Variants in LIMCH1 observed in about 807,000 individuals in gnomAD.
LIMCH1 encodes LIM and calponin homology domains-containing protein 1.
Under a neutral mutation model 176.5 loss-of-function variants are expected in LIMCH1, and 113 were observed. The observed-to-expected ratio is 0.64, with a 90% CI of 0.55 to 0.75. The LOEUF is 0.75. Among genes scored for constraint, LIMCH1 ranks in the 30% least tolerant of loss-of-function variants. The pLI is 0.00. For missense variants in LIMCH1, 1,674 were observed against 1,814.9 expected, an observed-to-expected ratio of 0.92 and a Z score of 1.41; for synonymous variants, 619 against 645.9, an observed-to-expected ratio of 0.96 and a Z score of 0.63.
At chr4:41,679,924 G>A (rs1714268806) in intron 23 of LIMCH1, 82 bp from the exon 24 acceptor site, 1 of 810,336 alleles carries the variant, frequency 1.2e-6, no homozygotes, top group South Asian at 1.6e-5. Context: ...GCAACATATT[G>A]TACATGGTGG....
In LIMCH1 at chr4:41,460,458, C is replaced by CAATATATATATATATATATATATA. The variant is rs1554057132; in HGVS notation, c.97-34078_97-34077insAATATATATATATATATATATATA. 3.6e-5 allele frequency among the ~76,000 whole-genome samples: 4 copies of CAATATATATATATATATATATATA among 110,546 alleles called. 1 individual carries two copies. The South Asian group carries it at 1.5e-3, about 41-fold the overall frequency. The allele number at this position is 110,546 out of a possible 152,430, so 72.5% of individuals were successfully genotyped here. ...AAATTTGTTCCACTATAGTAATCAT[C>CAATATATATATATATATATATATA]TATATATATATATATATATATCTTA... is the stretch of plus-strand genomic sequence containing the variant. On this transcript the variant is annotated intron_variant, in intron 1 of 26. Coordinates refer to the LIMCH1 transcript ENST00000313860.
intron 4 of LIMCH1, among the ~76,000 whole-genome samples, chr4:41,608,543 G>C (rs1013080125): frequency 3.9e-5 from 6 of 152,052 alleles, no homozygotes; most frequent in Admixed American, 3.9e-4. Context: ...TTTTCTAGTG[G>C]GTGAAATGTG....
At chr4:41,647,888 G>A (rs962458208) in intron 17 of LIMCH1, among the ~76,000 whole-genome samples, 1 of 152,240 alleles carries the variant, frequency 6.6e-6, no homozygotes, top group Non-Finnish European at 1.5e-5. Context: ...ACATTGAGCT[G>A]TTTGTCCCCT....
chr4:41,505,925 G>GACACACACACACACAC (rs36212568), intron 2 of LIMCH1, among the ~76,000 whole-genome samples: 2,303 of 134,612 alleles, frequency 0.017, 60 homozygotes, highest in African/African-American at 0.045. Context: ...CTGTGTTTCT[G>GACACACACACACACAC]ACACACACAC....
intron 2 of LIMCH1, among the ~76,000 whole-genome samples, chr4:41,521,334 G>A (rs549248093): frequency 1.3e-5 from 2 of 152,162 alleles, no homozygotes; most frequent in East Asian, 3.9e-4. Context: ...AAAATGGTGG[G>A]ACACATACAT....
chr4:41,397,193 C>T (rs998720356), intron 1 of LIMCH1, among the ~76,000 whole-genome samples: 1 of 152,148 alleles, frequency 6.6e-6, no homozygotes, highest in Admixed American at 6.5e-5. Context: ...GGTTGCCTTT[C>T]TTCCTTTGGT....
intron 1 of LIMCH1, among the ~76,000 whole-genome samples, chr4:41,417,492 A>T (rs2060047287): frequency 6.6e-6 from 1 of 152,146 alleles, no homozygotes. Flanking sequence ...AAGAATTAGT[A>T]GTCGTTATCT....
At chr4:41,401,111 C>G (rs1269030481) in intron 1 of LIMCH1, among the ~76,000 whole-genome samples, 1 of 152,162 alleles carries the variant, frequency 6.6e-6, no homozygotes, top group African/African-American at 2.4e-5. Context: ...TTGCCCATGC[C>G]TATGTCTTGA....
chr4:41,472,223 A>G (rs2067064173), intron 1 of LIMCH1, among the ~76,000 whole-genome samples: 1 of 152,146 alleles, frequency 6.6e-6, no homozygotes, highest in Non-Finnish European at 1.5e-5. Flanking sequence ...TTAAAGTACC[A>G]TGTGTGCCAG....
chr4:41,632,664 T>C lies in LIMCH1; in HGVS notation c.1602-85T>C, dbSNP rs1212118578. On this transcript the variant is annotated intron_variant, in intron 10 of 31. Transcript: ENST00000503057. ...AGCAGCCACATTCTTCTCTTAATCTTTCAGTCCCAAGGACTTTCACTGTCT... is the reference window on the plus strand; with the variant it reads ...AGCAGCCACATTCTTCTCTTAATCTCTCAGTCCCAAGGACTTTCACTGTCT... 5 of 1,060,610 alleles carry C rather than the reference T, an allele frequency of 4.7e-6. No homozygotes were observed. In the East Asian group the frequency reaches 1.3e-4, roughly 27 times the overall value. 65.7% of individuals were successfully genotyped at this position (1,060,610 alleles called of 1,614,324 possible). A position where few individuals can be genotyped will look rare whatever the true frequency, so the allele number is the denominator to read the frequency against.
chr4:41,568,144 C>T (rs1299648652), intron 1 of LIMCH1, among the ~76,000 whole-genome samples: 2 of 152,112 alleles, frequency 1.3e-5, no homozygotes, highest in African/African-American at 4.8e-5. Flanking sequence ...CAGAGCGAGA[C>T]TCCTTCTCAA....
intron 17 of LIMCH1, among the ~76,000 whole-genome samples, chr4:41,648,965 TA>T (rs987968186): frequency 6.6e-6 from 1 of 151,896 alleles, no homozygotes; most frequent in African/African-American, 2.4e-5. Context: ...CAGTTATATT[TA>T]TGTGTGTGTG....
At chr4:41,682,740 G>C (rs1451137049) in intron 26 of LIMCH1, among the ~76,000 whole-genome samples, 1 of 146,316 alleles carries the variant, frequency 6.8e-6, no homozygotes, top group African/African-American at 2.5e-5. Flanking sequence ...GCCATGGTAC[G>C]ATCTTGGCTC....
chr4:41,426,122 C>T (rs1015522549), intron 1 of LIMCH1, among the ~76,000 whole-genome samples: 8 of 146,942 alleles, frequency 5.4e-5, no homozygotes, highest in East Asian at 2.0e-4. Context: ...CCCGGGTTCA[C>T]GCCATTCTCC....
intron 1 of LIMCH1, among the ~76,000 whole-genome samples, chr4:41,395,895 A>C (rs1403173080): frequency 6.6e-6 from 1 of 152,250 alleles, no homozygotes; most frequent in Non-Finnish European, 1.5e-5. Flanking sequence ...AAAATAAAGT[A>C]GGGCAGTGGA....
chr4:41,684,358 TTTCTCTC>T, intron 26 of LIMCH1, 32 bp from the exon 27 acceptor site: 1 of 1,588,582 alleles, frequency 6.3e-7, no homozygotes, highest in Non-Finnish European at 8.6e-7. Context: ...TTCAGTTACT[TTTCTCTC>T]TGCTCTGAAG....
intron 2 of LIMCH1, among the ~76,000 whole-genome samples, chr4:41,503,067 T>C (rs1432098817): frequency 3.4e-5 from 5 of 146,420 alleles, no homozygotes; most frequent in Non-Finnish European, 6.1e-5. Flanking sequence ...TCTGCTTTCT[T>C]CTTTATTGAC....
intron 4 of LIMCH1, among the ~76,000 whole-genome samples, chr4:41,608,673 AT>A (rs201654336): frequency 1.1e-4 from 16 of 151,482 alleles, no homozygotes; most frequent in African/African-American, 1.7e-4. Flanking sequence ...CTACTGCTGT[AT>A]TTTTTTTTAA....
chr4:41,468,633 C>A (rs12502883), intron 1 of LIMCH1, among the ~76,000 whole-genome samples: 3 of 151,984 alleles, frequency 2.0e-5, no homozygotes, highest in Non-Finnish European at 4.4e-5. Flanking sequence ...TCTTACCATT[C>A]TAAAATGTAA....
Sources: allele counts gnomAD v4.1 joint callset (sites outside exome capture counted in the v4.1 genomes callset), GRCh38; gene constraint gnomAD v4.1.1; transcripts MANE v1.5; gene names NCBI Gene and HGNC (gene_info 2026-07-23, HGNC 2026-07-21).